The following WDR7 variants were observed in gnomAD, a reference collection of about 807,000 sequenced individuals.
WDR7 encodes WD repeat-containing protein 7.
Under a neutral mutation model 169.4 loss-of-function variants are expected in WDR7, and 46 were observed. The ratio of observed to expected loss-of-function variants is 0.27; its 90% CI spans 0.21 to 0.35. WDR7 has a LOEUF of 0.35. Among genes scored for constraint, WDR7 ranks in the 10% least tolerant of loss-of-function variants. The pLI is 1.00. For missense variants in WDR7, 1,534 were observed against 1,859.3 expected (o/e 0.83, Z 3.22); for synonymous variants, 612 against 666.8 (o/e 0.92, Z 1.27).
At chr18:56,877,013 T>A (rs190854339) in intron 20 of WDR7, among the ~76,000 whole-genome samples, 220 of 152,124 alleles carry the variant, frequency 1.4e-3, no homozygotes, top group Middle Eastern at 3.4e-3. Context: ...TGAAACCCTG[T>A]CTCTACAAAA....
At chr18:56,750,123 G>A (rs1323614782) in intron 14 of WDR7, among the ~76,000 whole-genome samples, 1 of 151,980 alleles carries the variant, frequency 6.6e-6, no homozygotes, top group Non-Finnish European at 1.5e-5. Context: ...GTTTTCACTT[G>A]ACAATTTTAC....
intron 12 of WDR7, among the ~76,000 whole-genome samples, chr18:56,709,969 CAAT>C (rs1472783287): frequency 6.8e-6 from 1 of 148,046 alleles, no homozygotes; most frequent in African/African-American, 2.5e-5. Context: ...TATTCTTCTA[CAAT>C]TAAGAGAACC....
intron 14 of WDR7, among the ~76,000 whole-genome samples, chr18:56,742,848 G>A (rs558250625): frequency 1.9e-4 from 29 of 152,242 alleles, no homozygotes; most frequent in Admixed American, 1.7e-3. Context: ...TACCACGTGC[G>A]GGGAGACAGG....
intron 19 of WDR7, among the ~76,000 whole-genome samples, chr18:56,790,082 T>C (rs1445886254): frequency 6.6e-6 from 1 of 152,210 alleles, no homozygotes; most frequent in Non-Finnish European, 1.5e-5. Flanking sequence ...AAATTTATAA[T>C]GCTAATGGAA....
intron 14 of WDR7, among the ~76,000 whole-genome samples, chr18:56,754,379 A>ATG (rs1405236983): frequency 2.0e-5 from 3 of 150,866 alleles, no homozygotes; most frequent in South Asian, 2.1e-4. Flanking sequence ...ACACGTATAT[A>ATG]TGTGTATATA....
chr18:57,026,607 G>A (rs1490422859), intron 27 of WDR7, among the ~76,000 whole-genome samples: 1 of 152,134 alleles, frequency 6.6e-6, no homozygotes, highest in African/African-American at 2.4e-5. Context: ...ACTTGTCTTC[G>A]CTGACTCATC....
intron 16 of WDR7, among the ~76,000 whole-genome samples, chr18:56,764,795 C>A (rs1170134041): frequency 6.6e-6 from 1 of 152,038 alleles, no homozygotes; most frequent in Non-Finnish European, 1.5e-5. Context: ...TTAGTATATA[C>A]TTGCTGATTT....
Position 56,885,695 on chromosome 18 carries a change from C to T in WDR7, c.3526+5530C>T, listed in dbSNP as rs768024994. On this transcript the variant is annotated intron_variant, in intron 21 of 27. Transcript: ENST00000254442. ...ACAGAAAATTAGCCAGGCATGGTGA[C>T]GGGCACCTGTAGTCCCAGCTACTCG... Among the ~76,000 whole-genome samples, 18 of 151,492 alleles carry T rather than the reference C, an allele frequency of 1.2e-4. No homozygotes were observed. In the South Asian group the frequency reaches 1.3e-3, roughly 11 times the overall value.
At chr18:56,797,031 T>G (rs143561359) in intron 19 of WDR7, among the ~76,000 whole-genome samples, 1 of 152,152 alleles carries the variant, frequency 6.6e-6, no homozygotes, top group African/African-American at 2.4e-5. Context: ...CATCATGCCT[T>G]TCTTTCCCTC....
chr18:57,015,770 G>A (rs926682022), intron 26 of WDR7, among the ~76,000 whole-genome samples: 6 of 152,338 alleles, frequency 3.9e-5, no homozygotes, highest in South Asian at 2.1e-4. Flanking sequence ...TGGCGTTGCC[G>A]GGTATCATTA....
Position 56,780,541 on chromosome 18 carries a change from G to A in WDR7, c.3066+992G>A, listed in dbSNP as rs116481644. 5.4e-3 allele frequency among the ~76,000 whole-genome samples: 815 copies of A among 152,202 alleles called. 17 individuals carry two copies. Among genetic ancestry groups the A allele is most frequent in the African/African-American group, 0.019 (772 of 41,536 alleles). On this transcript the variant is annotated intron_variant, in intron 18 of 27. Transcript: ENST00000254442. ...TTCAATTATAAAGAGTTAATAGGCC[G>A]GGTGATGTGGGTCATGCCTGTAATC...
chr18:56,851,599 T>C (rs1427914521), intron 20 of WDR7, among the ~76,000 whole-genome samples: 1 of 152,186 alleles, frequency 6.6e-6, no homozygotes, highest in African/African-American at 2.4e-5. Flanking sequence ...GCTCAACAAT[T>C]GTTTGTTGCC....
At chr18:56,835,474 T>C (rs889361278) in intron 20 of WDR7, among the ~76,000 whole-genome samples, 1 of 152,232 alleles carries the variant, frequency 6.6e-6, no homozygotes, top group Non-Finnish European at 1.5e-5. Context: ...TTTGGAAATA[T>C]GCAATTTTTA....
chr18:56,680,278 A>T (rs888901707), intron 3 of WDR7, among the ~76,000 whole-genome samples: 1 of 152,148 alleles, frequency 6.6e-6, no homozygotes, highest in Admixed American at 6.5e-5. Context: ...GGATCACCCG[A>T]GCCCAGGAGA....
At chr18:56,730,488 C>T (rs893076437) in intron 13 of WDR7, among the ~76,000 whole-genome samples, 13 of 152,234 alleles carry the variant, frequency 8.5e-5, no homozygotes, top group South Asian at 6.2e-4. Context: ...AGTTGTAGGC[C>T]GGGCGTGGTG....
At chr18:56,797,712 C>T (rs1222728638) in intron 19 of WDR7, among the ~76,000 whole-genome samples, 1 of 151,986 alleles carries the variant, frequency 6.6e-6, no homozygotes, top group Non-Finnish European at 1.5e-5. Flanking sequence ...AAGAAACAAC[C>T]CCATCTTGTG....
At chr18:56,679,511 G>A in intron 3 of WDR7, 73 bp downstream of exon 3, 6 of 983,480 alleles carry the variant, frequency 6.1e-6, no homozygotes, top group Admixed American at 3.9e-5. Context: ...TAAGTAGCGA[G>A]GTATTTTTTT....
intron 20 of WDR7, among the ~76,000 whole-genome samples, chr18:56,831,916 C>T (rs929523704): frequency 2.0e-5 from 3 of 152,104 alleles, no homozygotes; most frequent in African/African-American, 4.8e-5. Context: ...TGGCTGTTTG[C>T]GCGGACACCA....
chr18:56,989,218 C>T (rs769061765), intron 26 of WDR7, among the ~76,000 whole-genome samples: 12 of 152,110 alleles, frequency 7.9e-5, no homozygotes, highest in Non-Finnish European at 1.6e-4. Context: ...TCTGTACTCT[C>T]CAGTGTGATA....
Sources: allele counts gnomAD v4.1 joint callset (sites outside exome capture counted in the v4.1 genomes callset), GRCh38; gene constraint gnomAD v4.1.1; transcripts MANE v1.5; gene names NCBI Gene and HGNC (gene_info 2026-07-23, HGNC 2026-07-21).